Variants in SLC12A9 observed in about 807,000 individuals in gnomAD.
SLC12A9 encodes solute carrier family 12 member 9.
A neutral mutation model predicts 66.0 loss-of-function variants in SLC12A9; 55 were observed. The observed-to-expected ratio is 0.83, with a 90% CI of 0.67 to 1.04. SLC12A9 has a LOEUF of 1.04. Among genes scored for constraint, SLC12A9 ranks in the 50% least tolerant of loss-of-function variants. The pLI is 0.00. For missense variants in SLC12A9, 1,061 were observed against 1,241.9 expected, an observed-to-expected ratio of 0.85 and a Z score of 2.19; for synonymous variants, 577 against 569.0, an observed-to-expected ratio of 1.01 and a Z score of -0.20.
chr7:100,851,871 T>C (rs894908156), upstream of SLC12A9, among the ~76,000 whole-genome samples: 1 of 148,118 alleles, frequency 6.8e-6, no homozygotes, highest in African/African-American at 2.5e-5. Context: ...TAGCGGTACC[T>C]ACCTCACAGA....
At chr7:100,828,699 G>A (rs1236249643) in intron 1 of SLC12A9, among the ~76,000 whole-genome samples, 1 of 152,126 alleles carries the variant, frequency 6.6e-6, no homozygotes, top group Non-Finnish European at 1.5e-5. Context: ...GGCTGGGGCT[G>A]CGGCTGCGGC....
intron 1 of SLC12A9, among the ~76,000 whole-genome samples, chr7:100,839,986 A>G (rs1184336057): frequency 6.7e-6 from 1 of 150,140 alleles, no homozygotes; most frequent in African/African-American, 2.4e-5. Flanking sequence ...CACTGCATTT[A>G]AGTGGAAGCG....
At chr7:100,838,193 G>A (rs2116513888) in intron 1 of SLC12A9, among the ~76,000 whole-genome samples, 1 of 152,272 alleles carries the variant, frequency 6.6e-6, no homozygotes, top group East Asian at 1.9e-4. Context: ...TGTGGAGACA[G>A]TCTTGCTATG....
chr7:100,861,398 C>T lies in SLC12A9; in HGVS notation c.1350C>T (p.Thr450=). The change falls in exon 11 of 14, where the codon ACC becomes ACT. Residue 450 remains threonine, a synonymous_variant. Transcript: ENST00000354161. The surrounding 1 kb of genome is among the most constrained non-coding windows in gnomAD (Gnocchi z 5.3). ...CTCCCCTCCATGCCCGCAGCCCCAC[C>T]TTCAGCCTGTTCTCCTGGCACACCT... The part of the protein sequence containing the change: ...EWASAPNFRP[T]FSLFSWHTCL... 2 of 1,613,690 alleles carry T rather than the reference C, an allele frequency of 1.2e-6. No homozygotes were observed. The highest frequency in any genetic ancestry group is 1.7e-6 in the Non-Finnish European group (2 of 1,179,940).
At position 100,861,885 on chromosome 7, in the gene SLC12A9, T is replaced by A. The variant is rs1264920700; in HGVS notation, c.1685T>A (p.Leu562Gln). 1 of 1,610,930 alleles carries A rather than the reference T, an allele frequency of 6.2e-7. No homozygotes were observed. Among genetic ancestry groups the A allele is most frequent in the East Asian group, 2.2e-5 (1 of 44,804 alleles). Residue 562 changes from leucine (L) to glutamine (Q), a missense_variant, in exon 12 of 14, where the codon CTG becomes CAG. Physicochemically the swap from Leu to Gln is moderately radical, Grantham distance 113 (BLOSUM62 -2). Coordinates refer to ENST00000354161, the MANE Select transcript of SLC12A9 (RefSeq NM_020246.4). This position sits in a 1 kb window ranked among gnomAD's most constrained non-coding sequence, Gnocchi z 5.3. ...NQLKKGGLYVLGHVTLGDLDS... is the reference protein window; with the variant it reads ...NQLKKGGLYVQGHVTLGDLDS... ...CTTAAGAAGGGGGGGCTGTATGTGC[T>A]GGGCCACGTCACCCTGGGAGACCTC...
chr7:100,854,153 C>A lies in SLC12A9; in HGVS notation c.-42-3C>A. The A allele has an allele frequency of 1.3e-6, 2 of 1,501,816 alleles. No individual in the cohort carries two copies. The highest frequency in any genetic ancestry group is 1.8e-6 in the Non-Finnish European group (2 of 1,131,800). The allele number at this position is 1,501,816 out of a possible 1,614,324, so 93.0% of individuals were successfully genotyped here. A position where few individuals can be genotyped will look rare whatever the true frequency, so the allele number is the denominator to read the frequency against. On this transcript the variant is annotated splice_region_variant and splice_polypyrimidine_tract_variant and intron_variant, in intron 1 of 13. Coordinates refer to ENST00000354161, the MANE Select transcript of SLC12A9 (RefSeq NM_020246.4). ...TTTTGATGCAACATAATCTCCTTTGCAGGTCACCTAACCCATTTGTGGCTT... is the reference window on the plus strand; with the variant it reads ...TTTTGATGCAACATAATCTCCTTTGAAGGTCACCTAACCCATTTGTGGCTT...
At position 100,836,586 on chromosome 7, in the gene SLC12A9, C is replaced by T. The variant is rs1813663887; in HGVS notation, n.228+9539C>T. On this transcript the variant is annotated intron_variant and non_coding_transcript_variant, in intron 1 of 1. Coordinates refer to the SLC12A9 transcript ENST00000461016. ...GCTGCTGCCCAGATACCCTCCCTCC[C>T]CAGGATCCAGGGGTCTAGCCTCGCA... Among the ~76,000 whole-genome samples the T allele has an allele frequency of 2.0e-5, 3 of 152,174 alleles. No individual in the cohort carries two copies. In the South Asian group the frequency reaches 6.2e-4, roughly 32 times the overall value.
At chr7:100,830,478 A>G (rs992946562) in intron 1 of SLC12A9, among the ~76,000 whole-genome samples, 1 of 152,098 alleles carries the variant, frequency 6.6e-6, no homozygotes, top group Non-Finnish European at 1.5e-5. Context: ...GTTTGAGGGC[A>G]GCCTGAACAA....
intron 1 of SLC12A9, among the ~76,000 whole-genome samples, chr7:100,830,363 T>C (rs1364394928): frequency 6.6e-6 from 1 of 151,714 alleles, no homozygotes; most frequent in East Asian, 1.9e-4. Flanking sequence ...AAAACATAAA[T>C]TAATTAAACA....
At chr7:100,827,325 C>G (rs1201013420) in intron 1 of SLC12A9, 1 of 151,888 alleles carries the variant, frequency 6.6e-6, no homozygotes, top group African/African-American at 2.4e-5. Context: ...CGGGGTCCCG[C>G]CCCGGGTGGC....
At chr7:100,847,941 C>T (rs1813953150), upstream of SLC12A9, among the ~76,000 whole-genome samples, 1 of 151,806 alleles carries the variant, frequency 6.6e-6, no homozygotes, top group South Asian at 2.1e-4. Context: ...CAAAAATGAG[C>T]CAGGCATGGT....
chr7:100,854,532 T>A, intron 2 of SLC12A9, 88 bp from the exon 3 acceptor site: 1 of 1,598,050 alleles, frequency 6.3e-7, no homozygotes, highest in Non-Finnish European at 8.5e-7. Context: ...GGCTTGCATT[T>A]AGCTCCACCC....
chr7:100,865,021 G>C (rs1415375638), intron 13 of SLC12A9, among the ~76,000 whole-genome samples: 1 of 151,940 alleles, frequency 6.6e-6, no homozygotes, highest in Non-Finnish European at 1.5e-5. Flanking sequence ...GCAGTGGCGT[G>C]ATCTCGGCTT....
intron 1 of SLC12A9, among the ~76,000 whole-genome samples, chr7:100,840,695 A>G (rs1451401579): frequency 6.6e-6 from 1 of 152,102 alleles, no homozygotes; most frequent in Non-Finnish European, 1.5e-5. Context: ...AGACAGAGGC[A>G]AAAAGAAAGT....
chr7:100,858,631 T>C (rs1415883239), intron 5 of SLC12A9: 1 of 565,954 alleles, frequency 1.8e-6, no homozygotes, highest in South Asian at 2.1e-5. Flanking sequence ...GATTAGGGTC[T>C]GGAGGGAGGA....
chr7:100,860,049 T>C lies in SLC12A9; in HGVS notation c.1135+7T>C, dbSNP rs1014432275. The C allele has an allele frequency of 6.2e-7, 1 of 1,614,030 alleles. No individual in the cohort carries two copies. The highest frequency in any genetic ancestry group is 1.3e-5 in the African/African-American group (1 of 74,930). On this transcript the variant is annotated splice_region_variant and intron_variant, in intron 8 of 13. Coordinates refer to ENST00000354161, the MANE Select transcript of SLC12A9 (RefSeq NM_020246.4). ...GCCCGGGATGACCTCTTTGGTGGGT[T>C]CTCTGCCTCCTTGCTGGCTTGGAGC...
Position 100,865,985 on chromosome 7 carries a change from G to A in SLC12A9, c.2125G>A (p.Glu709Lys), listed in dbSNP as rs758283919. The change falls in exon 14 of 14, where the codon GAG becomes AAG. Residue 709 changes from glutamate (E) to lysine (K), a missense_variant. Glu to Lys is a moderately conservative substitution (Grantham distance 56). Coordinates refer to ENST00000354161, the MANE Select transcript of SLC12A9 (RefSeq NM_020246.4). ...CCGGGCCAGCGGGGCCTTGCCCCCTGAGCGGCTGAGCCGGGGGTCTGGGGG... is the reference window on the plus strand; with the variant it reads ...CCGGGCCAGCGGGGCCTTGCCCCCTAAGCGGCTGAGCCGGGGGTCTGGGGG... ...LARASGALPP[E>K]RLSRGSGGTS... 7 of 1,612,734 alleles carry A rather than the reference G, an allele frequency of 4.3e-6. No individual in the cohort carries two copies. Among genetic ancestry groups the A allele is most frequent in the Admixed American group, 1.7e-5 (1 of 59,978 alleles).
At chr7:100,840,640 G>A (rs1056553045) in intron 1 of SLC12A9, among the ~76,000 whole-genome samples, 3 of 151,570 alleles carry the variant, frequency 2.0e-5, no homozygotes, top group Non-Finnish European at 4.4e-5. Context: ...AGGGAGTCAA[G>A]GAGAGAGAGA....
chr7:100,860,198 G>C lies in SLC12A9; in HGVS notation c.1184G>C (p.Trp395Ser), dbSNP rs1364487663. ...GTTGTGTCCCGAGGGGGAAACCCCTGGGCAGCTGTACTTTATTCTTGGGGC... is the reference window on the plus strand; with the variant it reads ...GTTGTGTCCCGAGGGGGAAACCCCTCGGCAGCTGTACTTTATTCTTGGGGC... Reference protein sequence around the residue: ...AKVVSRGGNPWAAVLYSWGLV... With the variant: ...AKVVSRGGNPSAAVLYSWGLV... The change falls in exon 9 of 14, where the codon TGG becomes TCG. Residue 395 changes from tryptophan (W) to serine (S), a missense_variant. By Grantham distance (177) the Trp-to-Ser change is radical. Coordinates refer to ENST00000354161, the MANE Select transcript of SLC12A9 (RefSeq NM_020246.4). 1 of 1,614,062 alleles carries C rather than the reference G, an allele frequency of 6.2e-7. No individual in the cohort carries two copies. The highest frequency in any genetic ancestry group is 1.7e-5 in the Admixed American group (1 of 60,002).
Sources: allele counts gnomAD v4.1 joint callset (sites outside exome capture counted in the v4.1 genomes callset), GRCh38; gene constraint gnomAD v4.1.1; non-coding constraint Gnocchi (gnomAD v3.1); transcripts MANE v1.5; gene names NCBI Gene and HGNC (gene_info 2026-07-23, HGNC 2026-07-21).